TBC1D19: variants seen among roughly 807,000 people sequenced by gnomAD.
The protein encoded by TBC1D19 is TBC1 domain family member 19, also known as TBC1 domain family, member 19.
TBC1D19 carries 60 observed loss-of-function variants against 89.0 expected under a neutral mutation model. That is an observed-to-expected ratio of 0.67 (90% CI 0.55 to 0.84). The LOEUF (loss-of-function observed/expected upper bound fraction) is 0.84, where lower values mean the gene tolerates loss of function less well. Among genes scored for constraint, TBC1D19 ranks in the 40% least tolerant of loss-of-function variants. The probability of loss-of-function intolerance (pLI) is 0.00; values close to 1 mark genes in which losing one functional copy is unlikely to be tolerated. For missense variants in TBC1D19, 500 were observed against 610.8 expected (o/e 0.82, Z 1.91); for synonymous variants, 189 against 199.7 (o/e 0.95, Z 0.45).
At chr4:26,636,488 T>TAGAAAAAAAA (rs1553901479) in intron 4 of TBC1D19, among the ~76,000 whole-genome samples, 1 of 131,028 alleles carries the variant, frequency 7.6e-6, no homozygotes, top group African/African-American at 2.8e-5. Context: ...GTCAGTATCA[T>TAGAAAAAAAA]AAAAAAAAAA....
At chr4:26,744,222 A>G (rs574884564) in intron 18 of TBC1D19, among the ~76,000 whole-genome samples, 78 of 151,816 alleles carry the variant, frequency 5.1e-4, no homozygotes, top group African/African-American at 1.9e-3. Flanking sequence ...TAGTAGTGAC[A>G]TCATCTTTGT....
At chr4:26,856,284 T>C in the TBC1D19 span, among the ~76,000 whole-genome samples, 1 of 152,248 alleles carries the variant, frequency 6.6e-6, no homozygotes, top group South Asian at 2.1e-4. Flanking sequence ...GTTCCACCCA[T>C]GTTGCAGTGA....
chr4:26,785,858 G>T, the TBC1D19 span, among the ~76,000 whole-genome samples: 1 of 152,142 alleles, frequency 6.6e-6, no homozygotes, highest in Admixed American at 6.5e-5. Context: ...TACCACTTTG[G>T]CTGCTATTGA....
the TBC1D19 span, among the ~76,000 whole-genome samples, chr4:26,779,209 G>A: frequency 7.2e-5 from 11 of 152,272 alleles, no homozygotes; most frequent in Admixed American, 3.3e-4. Context: ...TGAAACTACC[G>A]GAAGCCTCCT....
chr4:26,711,584 G>T (rs892284375), intron 13 of TBC1D19, among the ~76,000 whole-genome samples: 2 of 151,930 alleles, frequency 1.3e-5, no homozygotes, highest in African/African-American at 4.8e-5. Flanking sequence ...GACATTTTAG[G>T]TATAATTCTG....
In TBC1D19 at chr4:26,736,225, T is replaced by A. The variant is rs1352122879; in HGVS notation, c.1117+738T>A. On this transcript the variant is annotated intron_variant, in intron 16 of 20. Coordinates refer to ENST00000264866, the MANE Select transcript of TBC1D19 (RefSeq NM_018317.4). ...AATACTATGCAGCCATAAAAAATGA[T>A]GAGTTCATGTCCTTTGTAGGGACAT... 3.3e-4 allele frequency among the ~76,000 whole-genome samples: 38 copies of A among 113,462 alleles called. 2 individuals carry two copies. Among genetic ancestry groups the A allele is most frequent in the Admixed American group, 1.9e-3 (18 of 9,572 alleles). 74.4% of individuals were successfully genotyped at this position (113,462 alleles called of 152,430 possible). A position where few individuals can be genotyped will look rare whatever the true frequency, so the allele number is the denominator to read the frequency against.
chr4:26,694,682 C>G (rs1347977411), intron 13 of TBC1D19, among the ~76,000 whole-genome samples: 2 of 152,184 alleles, frequency 1.3e-5, no homozygotes, highest in Non-Finnish European at 2.9e-5. Context: ...CCAGGTACCC[C>G]TCTGAGATGA....
At chr4:26,822,820 G>A in the TBC1D19 span, among the ~76,000 whole-genome samples, 2 of 152,190 alleles carry the variant, frequency 1.3e-5, no homozygotes, top group African/African-American at 4.8e-5. Flanking sequence ...ACTAGATAGA[G>A]TTTAAAACAT....
chr4:26,784,685 G>T, the TBC1D19 span, among the ~76,000 whole-genome samples: 1 of 152,084 alleles, frequency 6.6e-6, no homozygotes, highest in African/African-American at 2.4e-5. Flanking sequence ...GCTTTCCTCC[G>T]CCTACAAAGC....
At chr4:26,788,993 CT>C in the TBC1D19 span, among the ~76,000 whole-genome samples, 1 of 152,268 alleles carries the variant, frequency 6.6e-6, no homozygotes. Context: ...TCATTGTTAC[CT>C]TTTTTTCCCT....
the TBC1D19 span, among the ~76,000 whole-genome samples, chr4:26,796,986 T>C: frequency 6.6e-6 from 1 of 152,182 alleles, no homozygotes; most frequent in Non-Finnish European, 1.5e-5. Context: ...ATATAAATTA[T>C]ACCTCAAAAA....
At chr4:26,846,149 A>AT in the TBC1D19 span, among the ~76,000 whole-genome samples, 4 of 152,342 alleles carry the variant, frequency 2.6e-5, no homozygotes, top group African/African-American at 9.6e-5. Flanking sequence ...ACCACATTTC[A>AT]TTTATCCATT....
chr4:26,610,600 C>T (rs184003105), intron 1 of TBC1D19, among the ~76,000 whole-genome samples: 5 of 152,104 alleles, frequency 3.3e-5, no homozygotes, highest in African/African-American at 1.2e-4. Context: ...TCATCCTCCT[C>T]CCACCCTCTA....
At chr4:26,699,159 A>G (rs1294504192) in intron 13 of TBC1D19, among the ~76,000 whole-genome samples, 1 of 152,172 alleles carries the variant, frequency 6.6e-6, no homozygotes, top group Non-Finnish European at 1.5e-5. Context: ...ACTCAAACAA[A>G]CTTACAAGAA....
At chr4:26,662,432 G>A (rs1469859301) in intron 8 of TBC1D19, among the ~76,000 whole-genome samples, 2 of 152,094 alleles carry the variant, frequency 1.3e-5, no homozygotes, top group Non-Finnish European at 2.9e-5. Context: ...TGAAAAACAG[G>A]AGGGAAAAGA....
chr4:26,816,350 A>G, the TBC1D19 span, among the ~76,000 whole-genome samples: 1 of 152,220 alleles, frequency 6.6e-6, no homozygotes, highest in Non-Finnish European at 1.5e-5. Context: ...TGTTTTCACA[A>G]AAGAAGTCCA....
In TBC1D19 at chr4:26,746,151, G is replaced by A. The variant is rs568178040; in HGVS notation, c.1320-2260G>A. 2.0e-5 allele frequency among the ~76,000 whole-genome samples: 3 copies of A among 150,470 alleles called. No individual in the cohort carries two copies. The South Asian group carries it at 6.3e-4, about 32-fold the overall frequency. On this transcript the variant is annotated intron_variant, in intron 18 of 20. Coordinates refer to ENST00000264866, the MANE Select transcript of TBC1D19 (RefSeq NM_018317.4). Reference sequence around the variant, plus strand: ...CTTCTGGCAATCCAGTGGCACAAATGTTCAAACTTTTGATATAAAAGAAAA... The same window carrying A: ...CTTCTGGCAATCCAGTGGCACAAATATTCAAACTTTTGATATAAAAGAAAA...
At chr4:26,704,720 A>C (rs4527463) in intron 13 of TBC1D19, among the ~76,000 whole-genome samples, 57,138 of 151,982 alleles carry the variant, frequency 0.38, 11,743 homozygotes, top group Non-Finnish European at 0.47. Flanking sequence ...TATAAATTCT[A>C]TGCAAATATA....
chr4:26,849,559 C>T, the TBC1D19 span, among the ~76,000 whole-genome samples: 1 of 152,110 alleles, frequency 6.6e-6, no homozygotes, highest in Non-Finnish European at 1.5e-5. Flanking sequence ...ACTGTAAATA[C>T]TTGTTAATCT....
Sources: allele counts gnomAD v4.1 joint callset (sites outside exome capture counted in the v4.1 genomes callset), GRCh38; gene constraint gnomAD v4.1.1; transcripts MANE v1.5; gene names NCBI Gene and HGNC (gene_info 2026-07-23, HGNC 2026-07-21).